The following AGBL4 variants were observed in gnomAD, a reference collection of about 807,000 sequenced individuals.
AGBL4 encodes AGBL carboxypeptidase 4, also known as cytosolic carboxypeptidase 6.
Under a neutral mutation model 66.4 loss-of-function variants are expected in AGBL4, and 58 were observed. The observed-to-expected ratio is 0.87, with a 90% confidence interval of 0.71 to 1.09. The LOEUF is 1.09. Ranked by LOEUF, AGBL4 falls within the 50% of genes least tolerant of loss-of-function variation. The pLI, the probability that AGBL4 is intolerant of heterozygous loss-of-function variation, is 0.00. For synonymous variants in AGBL4, 234 were observed against 222.9 expected (o/e 1.05, Z -0.44); for missense variants, 579 against 631.0 (o/e 0.92, Z 0.88).
intron 6 of AGBL4, among the ~76,000 whole-genome samples, chr1:48,692,212 T>A (rs1646643724): frequency 6.6e-6 from 1 of 152,174 alleles, no homozygotes; most frequent in African/African-American, 2.4e-5. Context: ...AAGTCCCTGA[T>A]GTGACAGCAC....
intron 3 of AGBL4, among the ~76,000 whole-genome samples, chr1:49,562,337 C>T (rs2148855802): frequency 6.6e-6 from 1 of 152,178 alleles, no homozygotes; most frequent in African/African-American, 2.4e-5. Context: ...TCAATTTTGG[C>T]TTTTGTTGCC....
At chr1:49,702,795 G>A (rs920436761) in intron 2 of AGBL4, among the ~76,000 whole-genome samples, 1 of 151,902 alleles carries the variant, frequency 6.6e-6, no homozygotes, top group Non-Finnish European at 1.5e-5. Flanking sequence ...TACAACACAC[G>A]AAAATCAACT....
chr1:49,691,934 A>G (rs1646895782), intron 3 of AGBL4, among the ~76,000 whole-genome samples: 1 of 152,096 alleles, frequency 6.6e-6, no homozygotes, highest in Admixed American at 6.6e-5. Context: ...CAGCCTGCAG[A>G]TGGCCTATTG....
intron 5 of AGBL4, among the ~76,000 whole-genome samples, chr1:49,025,396 C>G (rs967487184): frequency 6.6e-6 from 1 of 152,074 alleles, no homozygotes; most frequent in South Asian, 2.1e-4. Flanking sequence ...TTTCTTCAAA[C>G]TAAGTTTATG....
chr1:49,911,973 C>A (rs1650882531), intron 1 of AGBL4, among the ~76,000 whole-genome samples: 1 of 152,230 alleles, frequency 6.6e-6, no homozygotes, highest in African/African-American at 2.4e-5. Context: ...GTATGAGATT[C>A]CCTGACTGGC....
chr1:48,732,340 G>C (rs1648277256), intron 6 of AGBL4, among the ~76,000 whole-genome samples: 1 of 152,172 alleles, frequency 6.6e-6, no homozygotes, highest in Non-Finnish European at 1.5e-5. Context: ...AGTGTGAATT[G>C]AGTCAAATAC....
rs1179785481 is a variant in AGBL4, at chr1:49,037,034, A to T, written c.594+8550T>A. Among the ~76,000 whole-genome samples, 3 of 152,180 alleles carry T rather than the reference A, an allele frequency of 2.0e-5. No individual in the cohort carries two copies. The East Asian group carries it at 5.8e-4, about 29-fold the overall frequency. On this transcript the variant is annotated intron_variant, in intron 5 of 13. Transcript: ENST00000371839. ...AGTGAAGTTTCTCGAACGTTAAAAG[A>T]AGATGCACATGTACCCTAAAACTTA...
rs151101569 is a variant in AGBL4 at position 48,985,082 on chromosome 1, A to G, written c.594+60502T>C. ...CCCACCTGAAAAAACAAACCAAAAA[A>G]ACAGAAGAAAATACATGGAAAAATG... On this transcript the variant is annotated intron_variant, in intron 5 of 13. Transcript: ENST00000371839. Among the ~76,000 whole-genome samples, 15 of 152,242 alleles carry G rather than the reference A, an allele frequency of 9.9e-5. No individual in the cohort carries two copies. In the East Asian group the frequency reaches 2.9e-3, roughly 29 times the overall value.
At chr1:49,251,272 G>T (rs776506107) in intron 3 of AGBL4, among the ~76,000 whole-genome samples, 30 of 152,132 alleles carry the variant, frequency 2.0e-4, no homozygotes, top group Non-Finnish European at 4.1e-4. Context: ...TCGGCCCAAG[G>T]CAACTCCCCA....
intron 4 of AGBL4, among the ~76,000 whole-genome samples, chr1:49,211,385 T>C (rs1268487839): frequency 1.3e-5 from 2 of 151,872 alleles, no homozygotes; most frequent in East Asian, 3.9e-4. Context: ...ATACAAAGAG[T>C]ATGAGGAAAA....
At chr1:49,834,123 T>G (rs1645778901) in intron 2 of AGBL4, among the ~76,000 whole-genome samples, 1 of 152,222 alleles carries the variant, frequency 6.6e-6, no homozygotes, top group African/African-American at 2.4e-5. Flanking sequence ...GGAGTCCTTC[T>G]TTTTCTATCG....
intron 1 of AGBL4, among the ~76,000 whole-genome samples, chr1:49,955,267 T>C (rs1398024215): frequency 1.3e-5 from 2 of 151,986 alleles, no homozygotes; most frequent in African/African-American, 4.8e-5. Flanking sequence ...GAAGTTTCAT[T>C]GAGTATAATC....
intron 6 of AGBL4, among the ~76,000 whole-genome samples, chr1:48,770,823 C>T (rs1644785753): frequency 6.6e-6 from 1 of 152,182 alleles, no homozygotes; most frequent in African/African-American, 2.4e-5. Flanking sequence ...GAATTAGTCC[C>T]TCCTTCCTTA....
intron 4 of AGBL4, among the ~76,000 whole-genome samples, chr1:49,136,160 C>G (rs1440978982): frequency 1.3e-5 from 2 of 152,076 alleles, no homozygotes; most frequent in Non-Finnish European, 2.9e-5. Flanking sequence ...TTGAGCTGCA[C>G]ATGGAAAACA....
chr1:49,593,332 A>G (rs1644789288), intron 3 of AGBL4, among the ~76,000 whole-genome samples: 2 of 151,608 alleles, frequency 1.3e-5, no homozygotes, highest in Non-Finnish European at 1.5e-5. Flanking sequence ...GTGTGAACCC[A>G]GGAGGCAGAG....
chr1:48,923,278 CCTT>C (rs1654248783), intron 5 of AGBL4, among the ~76,000 whole-genome samples: 1 of 152,126 alleles, frequency 6.6e-6, no homozygotes, highest in African/African-American at 2.4e-5. Context: ...CATGTCATCT[CCTT>C]CTAAATTGAG....
At chr1:49,672,427 T>G (rs1052512513) in intron 3 of AGBL4, among the ~76,000 whole-genome samples, 1 of 151,970 alleles carries the variant, frequency 6.6e-6, no homozygotes, top group African/African-American at 2.4e-5. Flanking sequence ...ATAATATGTA[T>G]GACAAACCCA....
chr1:48,664,519 A>G lies in AGBL4; in HGVS notation c.635-1278T>C, dbSNP rs558993943. On this transcript the variant is annotated intron_variant, in intron 6 of 13. Transcript: ENST00000371839. Reference sequence around the variant, plus strand: ...AACAAGTCTCAAAAGGATCAAACTGAACAAAAGAAACTTAAATGCTTGATG... The same window carrying G: ...AACAAGTCTCAAAAGGATCAAACTGGACAAAAGAAACTTAAATGCTTGATG... Among the ~76,000 whole-genome samples the G allele has an allele frequency of 3.3e-5, 5 of 152,356 alleles. No individual in the cohort carries two copies. The South Asian group carries it at 1.0e-3, about 32-fold the overall frequency.
At chr1:48,789,799 A>G (rs1376172823) in intron 6 of AGBL4, among the ~76,000 whole-genome samples, 2 of 152,212 alleles carry the variant, frequency 1.3e-5, no homozygotes, top group African/African-American at 4.8e-5. Context: ...GAGACAGCTG[A>G]GACACAGACT....
Sources: gnomAD v4.1 joint callset for allele counts (sites outside exome capture counted in the v4.1 genomes callset) on GRCh38, gnomAD v4.1.1 for gene constraint, MANE v1.5 for transcripts, NCBI Gene and HGNC (gene_info 2026-07-23, HGNC 2026-07-21) for gene names.